Variants in IQSEC1 observed in about 807,000 individuals in gnomAD.
The protein encoded by IQSEC1 is IQ motif and SEC7 domain-containing protein 1.
A neutral mutation model predicts 91.0 loss-of-function variants in IQSEC1; 31 were observed. The ratio of observed to expected loss-of-function variants is 0.34; its 90% CI spans 0.26 to 0.46. The LOEUF (loss-of-function observed/expected upper bound fraction) is 0.46, where lower values mean the gene tolerates loss of function less well. Among genes scored for constraint, IQSEC1 ranks in the 20% least tolerant of loss-of-function variants. IQSEC1 has a pLI of 1.00. For missense variants in IQSEC1, 1,388 were observed against 1,575.6 expected, an observed-to-expected ratio of 0.88 and a Z score of 2.02; for synonymous variants, 699 against 662.6, an observed-to-expected ratio of 1.05 and a Z score of -0.84.
intron 1 of IQSEC1, among the ~76,000 whole-genome samples, chr3:12,980,605 T>C (rs544204120): frequency 3.9e-5 from 6 of 152,244 alleles, no homozygotes; most frequent in African/African-American, 1.4e-4. Context: ...CAGTAATTAC[T>C]ACCCTGGTTA....
intron 2 of IQSEC1, among the ~76,000 whole-genome samples, chr3:13,113,715 C>T (rs546926257): frequency 1.3e-5 from 2 of 152,162 alleles, no homozygotes; most frequent in African/African-American, 2.4e-5. Flanking sequence ...ACCAGGGCAG[C>T]CCCCAGCGTG....
chr3:13,039,029 T>G (rs59408688), intron 1 of IQSEC1, among the ~76,000 whole-genome samples: 3,119 of 152,340 alleles, frequency 0.02, 116 homozygotes, highest in African/African-American at 0.072. Flanking sequence ...ACCACACCAT[T>G]AACAGCTTAT....
intron 2 of IQSEC1, among the ~76,000 whole-genome samples, chr3:13,107,648 A>G (rs1434561215): frequency 2.0e-5 from 3 of 152,238 alleles, no homozygotes; most frequent in Non-Finnish European, 4.4e-5. Context: ...TATAATTTCT[A>G]CTGGCATCAT....
chr3:13,110,312 C>T (rs1432471490), intron 2 of IQSEC1, among the ~76,000 whole-genome samples: 5 of 151,850 alleles, frequency 3.3e-5, no homozygotes, highest in Non-Finnish European at 7.4e-5. Flanking sequence ...GAAACCCGGC[C>T]GGGCGCGGTG....
chr3:12,941,701 T>C lies in IQSEC1; in HGVS notation c.188A>G (p.Gln63Arg). The C allele has an allele frequency of 6.2e-7, 1 of 1,612,802 alleles. No individual in the cohort carries two copies. Among genetic ancestry groups the C allele is most frequent in the South Asian group, 1.1e-5 (1 of 91,060 alleles). The stretch of plus-strand genomic sequence containing the variant: ...CTGCAGCTTGGGCCTCCGCGTGCGC[T>C]GCTGTTGCCCCGGCGGCCCCGAGTA... ...GLYSGPPGQQ[Q>R]RTRRPKLQHS... The change falls in exon 2 of 14, where the codon CAG becomes CGG. Residue 63 changes from glutamine (Q) to arginine (R), a missense_variant. Coordinates refer to ENST00000613206, the MANE Select transcript of IQSEC1 (RefSeq NM_001134382.3).
At chr3:12,934,907 C>T (rs1698028762) in intron 3 of IQSEC1, among the ~76,000 whole-genome samples, 1 of 151,710 alleles carries the variant, frequency 6.6e-6, no homozygotes, top group African/African-American at 2.4e-5. Context: ...TTCCTTCCAT[C>T]CAGGACACGG....
intron 13 of IQSEC1, among the ~76,000 whole-genome samples, chr3:12,902,425 C>T (rs1196550964): frequency 1.3e-5 from 2 of 151,970 alleles, no homozygotes; most frequent in South Asian, 2.1e-4. Flanking sequence ...GTGCCGGAAG[C>T]TGGGGATGGT....
chr3:12,929,173 G>A (rs1311830668), intron 3 of IQSEC1, among the ~76,000 whole-genome samples: 2 of 152,180 alleles, frequency 1.3e-5, no homozygotes. Context: ...GCCTTTCTGT[G>A]TGTCTGTATA....
intron 1 of IQSEC1, among the ~76,000 whole-genome samples, chr3:12,944,270 G>A (rs1699019157): frequency 6.6e-6 from 1 of 152,194 alleles, no homozygotes; most frequent in South Asian, 2.1e-4. Flanking sequence ...GGGGGCGAGG[G>A]GGAGAACAGG....
chr3:12,906,865 G>A (rs1399579766), intron 12 of IQSEC1, among the ~76,000 whole-genome samples: 3 of 152,168 alleles, frequency 2.0e-5, no homozygotes, highest in South Asian at 4.1e-4. Flanking sequence ...AAACTCAAAC[G>A]GAGGCTCTAG....
intron 1 of IQSEC1, among the ~76,000 whole-genome samples, chr3:13,215,564 C>T (rs3852028): frequency 0.45 from 68,454 of 152,054 alleles, 16,056 homozygotes; most frequent in African/African-American, 0.59. Flanking sequence ...GCTTGATAAA[C>T]GCCTCTTTGG....
intron 1 of IQSEC1, among the ~76,000 whole-genome samples, chr3:13,224,619 C>G (rs1036298244): frequency 8.5e-5 from 13 of 152,178 alleles, no homozygotes; most frequent in African/African-American, 3.1e-4. Context: ...ACTTGACGTT[C>G]AGTGCCACAG....
intron 1 of IQSEC1, among the ~76,000 whole-genome samples, chr3:13,031,046 C>T (rs1435639489): frequency 6.6e-6 from 1 of 152,256 alleles, no homozygotes; most frequent in Non-Finnish European, 1.5e-5. Flanking sequence ...CTAGGATCAT[C>T]TGCTGTAAGT....
At chr3:13,142,208 G>C (rs1470961679) in intron 2 of IQSEC1, among the ~76,000 whole-genome samples, 1 of 152,254 alleles carries the variant, frequency 6.6e-6, no homozygotes, top group Non-Finnish European at 1.5e-5. Context: ...GTATGTCAGA[G>C]CGCAGCGGGC....
chr3:12,947,892 T>G (rs1699286886), intron 1 of IQSEC1, among the ~76,000 whole-genome samples: 1 of 152,258 alleles, frequency 6.6e-6, no homozygotes, highest in African/African-American at 2.4e-5. Flanking sequence ...GTGTTTTATG[T>G]GGGGACATGG....
At chr3:13,165,700 A>ACCT (rs1284158217) in intron 1 of IQSEC1, among the ~76,000 whole-genome samples, 2 of 151,736 alleles carry the variant, frequency 1.3e-5, no homozygotes, top group Admixed American at 1.3e-4. Flanking sequence ...GCCCCCTGCC[A>ACCT]CCAACCATGA....
In IQSEC1 at chr3:12,935,178, C is replaced by A. The variant is rs947649216; in HGVS notation, c.1568+270G>T. 2.0e-5 allele frequency among the ~76,000 whole-genome samples: 3 copies of A among 152,192 alleles called. No homozygotes were observed. Among genetic ancestry groups the A allele is most frequent in the African/African-American group, 7.2e-5 (3 of 41,430 alleles). On this transcript the variant is annotated intron_variant, in intron 3 of 13. Transcript: ENST00000613206. The surrounding 1 kb of genome is among the most constrained non-coding windows in gnomAD (Gnocchi z 8.0). ...TTGGGGGGGATGGGACGGAAGGGCC[C>A]GGGACTCAAGTTGCTTCGGCACAGA... is the stretch of plus-strand genomic sequence containing the variant.
At chr3:12,993,538 CCTCGGGGTCTGGATT>C (rs1702087795) in intron 1 of IQSEC1, among the ~76,000 whole-genome samples, 1 of 152,184 alleles carries the variant, frequency 6.6e-6, no homozygotes, top group South Asian at 2.1e-4. Context: ...GCATGGCGAC[CCTCGGGGTCTGGATT>C]CACGTACCCC....
intron 1 of IQSEC1, among the ~76,000 whole-genome samples, chr3:12,947,461 C>T (rs1326690250): frequency 6.6e-6 from 1 of 151,864 alleles, no homozygotes; most frequent in African/African-American, 2.4e-5. Flanking sequence ...TCACCCCACA[C>T]ACTCTTCCCC....
Sources: allele counts gnomAD v4.1 joint callset (sites outside exome capture counted in the v4.1 genomes callset), GRCh38; gene constraint gnomAD v4.1.1; non-coding constraint Gnocchi (gnomAD v3.1); transcripts MANE v1.5; gene names NCBI Gene and HGNC (gene_info 2026-07-23, HGNC 2026-07-21).